NELL2: variants seen among roughly 807,000 people sequenced by gnomAD.
NELL2 encodes protein kinase C-binding protein NELL2.
In NELL2, 41 loss-of-function variants were observed where a neutral mutation model predicts 109.6. That is an observed-to-expected ratio of 0.37 (90% CI 0.29 to 0.49). The LOEUF is 0.49. NELL2 is among the 20% of genes least tolerant of loss of function. The probability of loss-of-function intolerance (pLI) is 0.98; values close to 1 mark genes in which losing one functional copy is unlikely to be tolerated. For missense variants in NELL2, 900 were observed against 1,008.3 expected (o/e 0.89, Z 1.45); for synonymous variants, 355 against 344.7 (o/e 1.03, Z -0.33).
At chr12:44,741,564 G>T (rs1939964395) in intron 9 of NELL2, among the ~76,000 whole-genome samples, 1 of 152,218 alleles carries the variant, frequency 6.6e-6, no homozygotes, top group Non-Finnish European at 1.5e-5. Context: ...TCAAAGAAAG[G>T]GGTGACAGAC....
intron 13 of NELL2, among the ~76,000 whole-genome samples, chr12:44,643,547 A>G (rs1046476561): frequency 6.6e-6 from 1 of 152,154 alleles, no homozygotes; most frequent in African/African-American, 2.4e-5. Flanking sequence ...AAAATGAGAT[A>G]CTGGGGGATT....
chr12:44,897,487 G>A (rs1945606144), intron 1 of NELL2, among the ~76,000 whole-genome samples: 1 of 152,006 alleles, frequency 6.6e-6, no homozygotes, highest in South Asian at 2.1e-4. Flanking sequence ...AGCAAAGTGG[G>A]GCGTCACCTC....
intron 2 of NELL2, among the ~76,000 whole-genome samples, chr12:44,823,731 T>G (rs945328219): frequency 6.6e-6 from 1 of 152,254 alleles, no homozygotes; most frequent in African/African-American, 2.4e-5. Context: ...GATACTGATC[T>G]CATTTCCTTT....
intron 13 of NELL2, among the ~76,000 whole-genome samples, chr12:44,645,688 A>C (rs1201012835): frequency 6.6e-6 from 1 of 152,176 alleles, no homozygotes. Flanking sequence ...TCCTGTAGGC[A>C]CTTTAAATAC....
intron 1 of NELL2, among the ~76,000 whole-genome samples, chr12:44,885,380 T>TA (rs1325852038): frequency 6.6e-6 from 1 of 152,096 alleles, no homozygotes; most frequent in Admixed American, 6.5e-5. Context: ...CATCTACCTT[T>TA]AAAAAATCCC....
At chr12:44,620,961 T>G (rs1232555016) in intron 13 of NELL2, among the ~76,000 whole-genome samples, 1 of 152,156 alleles carries the variant, frequency 6.6e-6, no homozygotes, top group Non-Finnish European at 1.5e-5. Context: ...TCCTCTCTCT[T>G]AATTTTGCTA....
At chr12:44,692,710 T>C (rs1017104686) in intron 12 of NELL2, among the ~76,000 whole-genome samples, 1 of 152,244 alleles carries the variant, frequency 6.6e-6, no homozygotes, top group South Asian at 2.1e-4. Context: ...CCCTCATAGA[T>C]GACTTTGAGT....
chr12:44,647,180 C>T (rs150789329), intron 13 of NELL2, among the ~76,000 whole-genome samples: 143 of 152,176 alleles, frequency 9.4e-4, no homozygotes, highest in African/African-American at 3.0e-3. Flanking sequence ...CAAATCCATC[C>T]GGGACTGGCA....
At chr12:44,658,541 A>G (rs1400813153) in intron 13 of NELL2, among the ~76,000 whole-genome samples, 2 of 152,150 alleles carry the variant, frequency 1.3e-5, no homozygotes, top group Non-Finnish European at 2.9e-5. Flanking sequence ...ATTCAATGCT[A>G]TCTCCATCAA....
intron 1 of NELL2, among the ~76,000 whole-genome samples, chr12:44,898,368 C>A (rs1275244979): frequency 6.6e-6 from 1 of 152,138 alleles, no homozygotes; most frequent in Admixed American, 6.5e-5. Context: ...CGGCTGGCAT[C>A]TGGTGAGTGA....
At chr12:44,608,355 A>C (rs139608727) in intron 14 of NELL2, among the ~76,000 whole-genome samples, 133 of 152,176 alleles carry the variant, frequency 8.7e-4, no homozygotes, top group African/African-American at 3.1e-3. Flanking sequence ...CTTTGGTTTA[A>C]ACCTCATAAG....
intron 15 of NELL2, among the ~76,000 whole-genome samples, chr12:44,606,401 T>G (rs1455658853): frequency 6.6e-6 from 1 of 152,158 alleles, no homozygotes; most frequent in Non-Finnish European, 1.5e-5. Context: ...TGGCAGAAGC[T>G]TTCTTTTAGG....
intron 15 of NELL2, among the ~76,000 whole-genome samples, chr12:44,602,802 T>C (rs1477593817): frequency 6.6e-6 from 1 of 152,100 alleles, no homozygotes; most frequent in Non-Finnish European, 1.5e-5. Context: ...AAAAAACAAA[T>C]ATTAATGAAA....
intron 3 of NELL2, among the ~76,000 whole-genome samples, chr12:44,791,792 T>C (rs774329629): frequency 1.3e-4 from 20 of 152,054 alleles, no homozygotes; most frequent in Non-Finnish European, 2.4e-4. Context: ...ATGTTATATT[T>C]AAGGTACCTA....
chr12:44,773,339 A>G (rs1258454614), intron 9 of NELL2, among the ~76,000 whole-genome samples: 2 of 152,042 alleles, frequency 1.3e-5, no homozygotes. Flanking sequence ...AGCCCGGCGT[A>G]GTGGCAGGCA....
chr12:44,747,653 A>G (rs1228509721), intron 9 of NELL2, among the ~76,000 whole-genome samples: 1 of 152,078 alleles, frequency 6.6e-6, no homozygotes, highest in African/African-American at 2.4e-5. Flanking sequence ...TTAACGGTCA[A>G]CTGTAGAAGT....
intron 9 of NELL2, among the ~76,000 whole-genome samples, chr12:44,742,459 A>T (rs997781225): frequency 1.2e-4 from 19 of 152,244 alleles, no homozygotes; most frequent in Non-Finnish European, 2.4e-4. Context: ...CTGGACGGAG[A>T]ATGACTTTGA....
In NELL2 at chr12:44,779,775, A is replaced by C; in HGVS notation, c.510-16T>G. Reference sequence around the variant, plus strand: ...TTCATAAATTCTGCAAAAAAGAAACATCAAAGAAGGAACGTGAGTAGACAG... The same window carrying C: ...TTCATAAATTCTGCAAAAAAGAAACCTCAAAGAAGGAACGTGAGTAGACAG... On this transcript the variant is annotated splice_polypyrimidine_tract_variant and intron_variant, in intron 4 of 19. Transcript: ENST00000429094. 1 of 1,613,724 alleles carries C rather than the reference A, an allele frequency of 6.2e-7. No individual in the cohort carries two copies. The highest frequency in any genetic ancestry group is 8.5e-7 in the Non-Finnish European group (1 of 1,179,658).
chr12:44,845,682 G>A (rs1225879098), intron 2 of NELL2, among the ~76,000 whole-genome samples: 1 of 152,108 alleles, frequency 6.6e-6, no homozygotes, highest in African/African-American at 2.4e-5. Context: ...ATGACCCAAA[G>A]CTAACAATTA....
Sources: gnomAD v4.1 joint callset for allele counts (sites outside exome capture counted in the v4.1 genomes callset) on GRCh38, gnomAD v4.1.1 for gene constraint, MANE v1.5 for transcripts, NCBI Gene and HGNC (gene_info 2026-07-23, HGNC 2026-07-21) for gene names.